The following LAMA2 variants were observed in gnomAD, a reference collection of about 807,000 sequenced individuals.
LAMA2 encodes laminin subunit alpha 2.
Under a neutral mutation model 364.8 loss-of-function variants are expected in LAMA2, and 269 were observed. That is an observed-to-expected ratio of 0.74 (90% confidence interval 0.67 to 0.82). LAMA2 has a LOEUF of 0.82. Ranked by LOEUF, LAMA2 falls within the 40% of genes least tolerant of loss-of-function variation. The probability of loss-of-function intolerance (pLI) is 0.00; values close to 1 mark genes in which losing one functional copy is unlikely to be tolerated. For missense variants in LAMA2, 3,807 were observed against 3,873.2 expected (o/e 0.98, Z 0.45); for synonymous variants, 1,379 against 1,370.6 (o/e 1.01, Z -0.14).
intron 54 of LAMA2, among the ~76,000 whole-genome samples, chr6:129,480,864 A>T (rs1014273367): frequency 6.6e-6 from 1 of 152,144 alleles, no homozygotes; most frequent in Non-Finnish European, 1.5e-5. Context: ...TATTCAAGAG[A>T]TATTCGTTAC....
chr6:129,102,022 C>A (rs985397646), intron 4 of LAMA2, among the ~76,000 whole-genome samples: 2 of 151,906 alleles, frequency 1.3e-5, no homozygotes, highest in Non-Finnish European at 2.9e-5. Flanking sequence ...CATTAATTCT[C>A]TTCTCAGCTA....
chr6:129,422,134 A>T (rs1781103621), intron 40 of LAMA2, among the ~76,000 whole-genome samples: 1 of 152,158 alleles, frequency 6.6e-6, no homozygotes, highest in East Asian at 1.9e-4. Flanking sequence ...TCTCACATCC[A>T]CACATCAAAA....
At chr6:129,155,722 C>G (rs1400255373) in intron 8 of LAMA2, among the ~76,000 whole-genome samples, 1 of 151,954 alleles carries the variant, frequency 6.6e-6, no homozygotes, top group Non-Finnish European at 1.5e-5. Flanking sequence ...TCTATTTTTC[C>G]TAGCATCTAT....
At chr6:129,319,145 T>C (rs1463874265) in intron 27 of LAMA2, among the ~76,000 whole-genome samples, 1 of 152,184 alleles carries the variant, frequency 6.6e-6, no homozygotes, top group African/African-American at 2.4e-5. Context: ...ATCAATATTA[T>C]TAGATTATGC....
chr6:129,369,796 G>A (rs554541352), intron 33 of LAMA2, 96 bp from the exon 34 acceptor site: 151 of 1,021,690 alleles, frequency 1.5e-4, no homozygotes, highest in Middle Eastern at 6.2e-4. Flanking sequence ...AAGGTGAGAA[G>A]GCTAAGTTCC....
intron 15 of LAMA2, among the ~76,000 whole-genome samples, chr6:129,266,032 T>C (rs1326466920): frequency 6.6e-6 from 1 of 152,130 alleles, no homozygotes; most frequent in African/African-American, 2.4e-5. Flanking sequence ...AGAAGGAACA[T>C]TTCCACGGAG....
intron 3 of LAMA2, among the ~76,000 whole-genome samples, chr6:129,080,417 TTAAAACTC>T (rs529175639): frequency 1.5e-3 from 231 of 152,268 alleles, no homozygotes; most frequent in African/African-American, 5.3e-3. Context: ...GTCTTAGAAT[TTAAAACTC>T]TAAAAAGTGA....
chr6:129,475,516 T>C (rs748491814), intron 53 of LAMA2, 115 bp downstream of exon 53: 9 of 729,136 alleles, frequency 1.2e-5, no homozygotes, highest in Middle Eastern at 2.3e-4. Context: ...TTGTTCATAG[T>C]ATGTTTCACG....
chr6:129,455,337 A>T (rs1782899594), intron 47 of LAMA2, among the ~76,000 whole-genome samples: 1 of 152,122 alleles, frequency 6.6e-6, no homozygotes, highest in African/African-American at 2.4e-5. Flanking sequence ...TGTGTGAGAG[A>T]GAGTGACAGA....
At chr6:129,011,021 C>A (rs1296335250) in intron 1 of LAMA2, among the ~76,000 whole-genome samples, 1 of 151,982 alleles carries the variant, frequency 6.6e-6, no homozygotes, top group African/African-American at 2.4e-5. Context: ...CTCTGTCACC[C>A]CCTGGCTGGA....
chr6:129,462,916 T>C (rs1783333231), intron 49 of LAMA2, among the ~76,000 whole-genome samples: 1 of 152,016 alleles, frequency 6.6e-6, no homozygotes, highest in South Asian at 2.1e-4. Context: ...AGAATGTCAG[T>C]TTTAGAAATT....
intron 9 of LAMA2, among the ~76,000 whole-genome samples, chr6:129,174,006 A>G (rs1780395394): frequency 6.6e-6 from 1 of 152,084 alleles, no homozygotes; most frequent in East Asian, 1.9e-4. Flanking sequence ...TTTGTGTCTC[A>G]CTACTGTTGA....
intron 30 of LAMA2, among the ~76,000 whole-genome samples, chr6:129,347,956 A>C (rs1341601961): frequency 6.6e-6 from 1 of 152,220 alleles, no homozygotes; most frequent in African/African-American, 2.4e-5. Context: ...ATGTAATTTA[A>C]TCATACTGGC....
At chr6:129,200,445 TATGTATATATATACATGTACACATATAC>T (rs1782200709) in intron 12 of LAMA2, among the ~76,000 whole-genome samples, 1 of 150,282 alleles carries the variant, frequency 6.7e-6, no homozygotes, top group Non-Finnish European at 1.5e-5. Flanking sequence ...CATATACATA[TATGTATATATATACATGTACACATATAC>T]ATGTATATAT....
rs137961796 is a variant in LAMA2 at position 129,490,462 on chromosome 6, G to C, written c.7899-1439G>C. Among the ~76,000 whole-genome samples the C allele has an allele frequency of 3.0e-3, 461 of 152,264 alleles. 4 individuals carry two copies. Among genetic ancestry groups the C allele is most frequent in the African/African-American group, 0.011 (440 of 41,556 alleles). On this transcript the variant is annotated intron_variant, in intron 56 of 64. Transcript: ENST00000421865. The stretch of plus-strand genomic sequence containing the variant: ...TGGCAGAACCACACTACAGAGAGAG[G>C]CTACACCAGAAAGAGGAAGGCCTCT...
At chr6:129,041,700 G>A (rs771435519) in intron 1 of LAMA2, among the ~76,000 whole-genome samples, 2 of 152,102 alleles carry the variant, frequency 1.3e-5, no homozygotes, top group African/African-American at 2.4e-5. Flanking sequence ...CTATGTACTC[G>A]AAATCTAGAT....
At chr6:129,073,280 A>T (rs1773433535) in intron 3 of LAMA2, among the ~76,000 whole-genome samples, 1 of 151,134 alleles carries the variant, frequency 6.6e-6, no homozygotes, top group East Asian at 1.9e-4. Flanking sequence ...TTTTCCTTTC[A>T]CTCCATTGAA....
At chr6:129,240,071 A>G (rs1268891224) in intron 12 of LAMA2, among the ~76,000 whole-genome samples, 1 of 152,208 alleles carries the variant, frequency 6.6e-6, no homozygotes, top group Non-Finnish European at 1.5e-5. Flanking sequence ...TTACTGGTGT[A>G]AGTGCAAGGG....
intron 29 of LAMA2, among the ~76,000 whole-genome samples, chr6:129,330,861 C>T (rs1775607651): frequency 6.6e-6 from 1 of 151,880 alleles, no homozygotes. Flanking sequence ...CCATCTCCTC[C>T]ATACCTGCAC....
Sources: gnomAD v4.1 joint callset for allele counts (sites outside exome capture counted in the v4.1 genomes callset) on GRCh38, gnomAD v4.1.1 for gene constraint, MANE v1.5 for transcripts, NCBI Gene and HGNC (gene_info 2026-07-23, HGNC 2026-07-21) for gene names.